The following DCUN1D4 variants were observed in gnomAD, a reference collection of about 807,000 sequenced individuals.
DCUN1D4 encodes the protein DCN1-like protein 4.
Under a neutral mutation model 47.9 loss-of-function variants are expected in DCUN1D4, and 22 were observed. That is an observed-to-expected ratio of 0.46 (90% CI 0.33 to 0.66). The LOEUF is 0.66. Ranked by LOEUF, DCUN1D4 falls within the 30% of genes least tolerant of loss-of-function variation. DCUN1D4 has a pLI of 0.02. For missense variants in DCUN1D4, 301 were observed against 340.8 expected, an observed-to-expected ratio of 0.88 and a Z score of 0.92; for synonymous variants, 121 against 112.2, an observed-to-expected ratio of 1.08 and a Z score of -0.50.
intron 4 of DCUN1D4, 62 bp downstream of exon 4, chr4:51,874,447 C>T: frequency 7.9e-7 from 1 of 1,270,732 alleles, no homozygotes; most frequent in Non-Finnish European, 1.1e-6. Context: ...CACATTTCTA[C>T]CTAATTCAGT....
intron 5 of DCUN1D4, among the ~76,000 whole-genome samples, chr4:51,883,637 A>T (rs1409542867): frequency 6.6e-6 from 1 of 152,236 alleles, no homozygotes. Flanking sequence ...GGAAAGGAGG[A>T]GACAGAAATG....
chr4:51,848,086 G>A, intron 1 of DCUN1D4: 1 of 672,844 alleles, frequency 1.5e-6, no homozygotes, highest in South Asian at 1.8e-5. Context: ...TGTTCCTGTT[G>A]TCTTTCATTA....
intron 5 of DCUN1D4, among the ~76,000 whole-genome samples, chr4:51,882,611 C>T (rs1182666912): frequency 6.6e-6 from 1 of 151,868 alleles, no homozygotes; most frequent in Non-Finnish European, 1.5e-5. Flanking sequence ...CTAAAAAATA[C>T]AAAAAATTAG....
intron 5 of DCUN1D4, among the ~76,000 whole-genome samples, chr4:51,883,100 T>C (rs1728934617): frequency 6.6e-6 from 1 of 152,154 alleles, no homozygotes; most frequent in Non-Finnish European, 1.5e-5. Context: ...TAACATAAAA[T>C]GTATTAATAT....
intron 8 of DCUN1D4, chr4:51,905,193 A>G (rs892898552): frequency 2.2e-5 from 10 of 455,416 alleles, no homozygotes; most frequent in Admixed American, 1.2e-4. Context: ...TTATAGTTCT[A>G]TATGATGCTT....
intron 3 of DCUN1D4, among the ~76,000 whole-genome samples, chr4:51,866,102 C>T (rs1410040181): frequency 6.6e-6 from 1 of 152,148 alleles, no homozygotes; most frequent in Non-Finnish European, 1.5e-5. Context: ...GCAGAGAATG[C>T]GCTAGGAGTG....
At chr4:51,876,824 C>T (rs955738424) in intron 4 of DCUN1D4, among the ~76,000 whole-genome samples, 3 of 151,552 alleles carry the variant, frequency 2.0e-5, no homozygotes, top group African/African-American at 7.3e-5. Flanking sequence ...GGGGAATTAC[C>T]GAATATTATT....
chr4:51,878,835 C>T (rs1303503527), intron 5 of DCUN1D4, among the ~76,000 whole-genome samples: 1 of 152,186 alleles, frequency 6.6e-6, no homozygotes, highest in Non-Finnish European at 1.5e-5. Flanking sequence ...TGTTTTGGTT[C>T]CCTTTTATTG....
At chr4:51,863,314 C>A in intron 1 of DCUN1D4, 123 bp from the exon 2 acceptor site, 2 of 786,142 alleles carry the variant, frequency 2.5e-6, no homozygotes, top group Non-Finnish European at 4.2e-6. Flanking sequence ...TTTTAAAAAA[C>A]TTTAGTGTCA....
chr4:51,894,691 T>G (rs532116627), intron 7 of DCUN1D4, among the ~76,000 whole-genome samples: 3 of 152,312 alleles, frequency 2.0e-5, no homozygotes, highest in Admixed American at 6.5e-5. Context: ...ATCTTTAAAC[T>G]ATTTTGTCTT....
intron 3 of DCUN1D4, among the ~76,000 whole-genome samples, chr4:51,867,576 C>T (rs1443969806): frequency 6.6e-6 from 1 of 152,164 alleles, no homozygotes; most frequent in Non-Finnish European, 1.5e-5. Flanking sequence ...CTGTGCAGCC[C>T]TCGGTGGAGA....
chr4:51,880,008 C>G (rs1019135035), intron 5 of DCUN1D4, among the ~76,000 whole-genome samples: 21 of 152,204 alleles, frequency 1.4e-4, no homozygotes, highest in Admixed American at 1.2e-3. Flanking sequence ...TTAACTGAAC[C>G]CTTCAAGAAA....
rs527728414 is a variant in DCUN1D4 at position 51,874,183 on chromosome 4, G to C, written c.137-88G>C. 22 of 710,108 alleles carry C rather than the reference G, an allele frequency of 3.1e-5. No homozygotes were observed. The South Asian group carries it at 5.4e-4, about 18-fold the overall frequency. The allele number at this position is 710,108 out of a possible 1,614,324, so 44.0% of individuals were successfully genotyped here. On this transcript the variant is annotated intron_variant, in intron 3 of 10. Transcript: ENST00000334635. ...ATTCCTTACAATACAAGCTGTGGAAGTGTTTAAATTAGCAGTACTGTTCTT... is the reference window on the plus strand; with the variant it reads ...ATTCCTTACAATACAAGCTGTGGAACTGTTTAAATTAGCAGTACTGTTCTT...
intron 5 of DCUN1D4, among the ~76,000 whole-genome samples, chr4:51,879,645 G>A (rs1728221844): frequency 6.6e-6 from 1 of 152,208 alleles, no homozygotes; most frequent in South Asian, 2.1e-4. Context: ...CAGATATTCT[G>A]TAAATAGGTT....
At position 51,863,624 on chromosome 4, in the gene DCUN1D4, C is replaced by T. The variant is rs749055274; in HGVS notation, c.97-46C>T. 4.4e-6 allele frequency: 7 copies of T among 1,604,136 alleles called. No individual in the cohort carries two copies. The Admixed American group carries it at 5.1e-5, about 12-fold the overall frequency. ...AGGATATCAGTTGTTTATGAAAATG[C>T]TAACGGTATGTGATTTCTTCGTAAT... On this transcript the variant is annotated intron_variant, in intron 2 of 10. Transcript: ENST00000334635.
chr4:51,863,446 T>C lies in DCUN1D4; in HGVS notation c.35T>C (p.Leu12Pro), dbSNP rs1725391077. The C allele has an allele frequency of 6.2e-7, 1 of 1,611,288 alleles. No homozygotes were observed. The highest frequency in any genetic ancestry group is 1.3e-5 in the African/African-American group (1 of 74,968). Reference sequence around the variant, plus strand: ...CCTTTTTCTTTTCAAGATTTTCAGCTGAACTCTCATCTCTCAACACTGGCA... The same window carrying C: ...CCTTTTTCTTTTCAAGATTTTCAGCCGAACTCTCATCTCTCAACACTGGCA... ...HSDAAAVNFQ[L>P]NSHLSTLANI... The change falls in exon 2 of 11, where the codon CTG becomes CCG. Residue 12 changes from leucine (L) to proline (P), a missense_variant. By Grantham distance (98) the Leu-to-Pro change is moderately conservative. Around this residue, in one of 2 missense-constraint regions of DCUN1D4, gnomAD observed 131 missense variants for 106.3 expected, o/e 1.23. Transcript: ENST00000334635.
intron 1 of DCUN1D4, among the ~76,000 whole-genome samples, chr4:51,846,891 C>G (rs748751606): frequency 7.2e-4 from 110 of 152,222 alleles, no homozygotes; most frequent in South Asian, 1.9e-3. Context: ...GTATGGTTGC[C>G]GTAGCACCAG....
intron 4 of DCUN1D4, among the ~76,000 whole-genome samples, chr4:51,876,902 T>C (rs1490965753): frequency 6.6e-6 from 1 of 152,198 alleles, no homozygotes; most frequent in African/African-American, 2.4e-5. Flanking sequence ...CACTAGGTAA[T>C]TTATATATAA....
At chr4:51,874,075 T>A (rs1458046040) in intron 3 of DCUN1D4, among the ~76,000 whole-genome samples, 196 bp from the exon 4 acceptor site, 1 of 152,212 alleles carries the variant, frequency 6.6e-6, no homozygotes, top group African/African-American at 2.4e-5. Context: ...TATTAACTTA[T>A]TTGTGTCGTC....
Sources: allele counts gnomAD v4.1 joint callset (sites outside exome capture counted in the v4.1 genomes callset), GRCh38; gene constraint gnomAD v4.1.1; regional missense constraint gnomAD v4.1.1; transcripts MANE v1.5; gene names NCBI Gene and HGNC (gene_info 2026-07-23, HGNC 2026-07-21).